GPC6: variants seen among roughly 807,000 people sequenced by gnomAD.
GPC6 encodes glypican-6.
Under a neutral mutation model 55.2 loss-of-function variants are expected in GPC6, and 14 were observed. The observed-to-expected ratio is 0.25, with a 90% CI of 0.17 to 0.40. GPC6 has a LOEUF of 0.40. Among genes scored for constraint, GPC6 ranks in the 10% least tolerant of loss-of-function variants. The pLI is 1.00. For missense variants in GPC6, 641 were observed against 708.5 expected, an observed-to-expected ratio of 0.90 and a Z score of 1.08; for synonymous variants, 278 against 259.6, an observed-to-expected ratio of 1.07 and a Z score of -0.68.
chr13:93,779,379 C>T (rs184534296), intron 2 of GPC6, among the ~76,000 whole-genome samples: 1 of 152,338 alleles, frequency 6.6e-6, no homozygotes, highest in Non-Finnish European at 1.5e-5. Context: ...GTTCCTTCAA[C>T]TCATTCTGGT....
chr13:93,499,106 C>CACACACACACAA (rs1555305614), intron 1 of GPC6, among the ~76,000 whole-genome samples: 7 of 151,696 alleles, frequency 4.6e-5, no homozygotes, highest in Non-Finnish European at 1.0e-4. Context: ...CACACACACA[C>CACACACACACAA]ACACACACAC....
intron 3 of GPC6, among the ~76,000 whole-genome samples, chr13:93,926,748 A>G (rs1471580488): frequency 6.6e-6 from 1 of 152,168 alleles, no homozygotes; most frequent in Non-Finnish European, 1.5e-5. Flanking sequence ...AGCTTTAGGC[A>G]GGCATATTGT....
intron 1 of GPC6, among the ~76,000 whole-genome samples, chr13:93,462,902 C>T (rs1454887550): frequency 1.3e-5 from 2 of 152,072 alleles, no homozygotes; most frequent in Non-Finnish European, 2.9e-5. Context: ...CCCTCTGCCC[C>T]GCTTCTGCTC....
chr13:93,565,924 A>C (rs1207664002), intron 2 of GPC6, among the ~76,000 whole-genome samples: 5 of 99,316 alleles, frequency 5.0e-5, no homozygotes, highest in Non-Finnish European at 1.1e-4. Context: ...TCTGTCTCAA[A>C]ACAAACAAAC....
chr13:94,038,550 A>G (rs1191482260), intron 4 of GPC6, among the ~76,000 whole-genome samples: 1 of 151,960 alleles, frequency 6.6e-6, no homozygotes, highest in Non-Finnish European at 1.5e-5. Flanking sequence ...TCCTGACTCC[A>G]CCACTTATAA....
At chr13:94,258,398 G>T (rs1002059035) in intron 4 of GPC6, among the ~76,000 whole-genome samples, 1 of 152,176 alleles carries the variant, frequency 6.6e-6, no homozygotes, top group Non-Finnish European at 1.5e-5. Flanking sequence ...TGAAGCATAA[G>T]AATTCAAAGT....
chr13:93,332,573 A>G (rs966886189), intron 1 of GPC6, among the ~76,000 whole-genome samples: 2 of 151,926 alleles, frequency 1.3e-5, no homozygotes, highest in East Asian at 3.9e-4. Flanking sequence ...TGTTTTTGCT[A>G]TTGAGTGGTT....
chr13:93,852,180 C>T (rs961642759), intron 3 of GPC6, among the ~76,000 whole-genome samples: 1 of 151,756 alleles, frequency 6.6e-6, no homozygotes, highest in East Asian at 1.9e-4. Context: ...TATATCTACT[C>T]TAGTCTCATT....
chr13:93,423,487 A>G (rs1465896670), intron 1 of GPC6, among the ~76,000 whole-genome samples: 1 of 152,224 alleles, frequency 6.6e-6, no homozygotes, highest in Non-Finnish European at 1.5e-5. Flanking sequence ...GAAATTACAT[A>G]AAGCAAAAAT....
intron 4 of GPC6, among the ~76,000 whole-genome samples, chr13:94,218,352 C>G (rs1439708827): frequency 1.3e-5 from 2 of 152,138 alleles, no homozygotes; most frequent in African/African-American, 4.8e-5. Flanking sequence ...GTACCCAATG[C>G]CCACTTTGGA....
intron 2 of GPC6, among the ~76,000 whole-genome samples, chr13:93,762,140 G>T (rs1884975982): frequency 6.6e-6 from 1 of 151,994 alleles, no homozygotes; most frequent in Admixed American, 6.6e-5. Flanking sequence ...TTGTCTTTCT[G>T]TCCCTGGCTT....
At chr13:94,091,082 A>G (rs1434927652) in intron 4 of GPC6, among the ~76,000 whole-genome samples, 1 of 152,180 alleles carries the variant, frequency 6.6e-6, no homozygotes, top group Non-Finnish European at 1.5e-5. Context: ...ATTCACTGCA[A>G]TGTAGCTAGA....
chr13:94,358,055 C>T lies in GPC6; in HGVS notation c.1153-24359C>T, dbSNP rs201969662. Among the ~76,000 whole-genome samples, 4 of 152,032 alleles carry T rather than the reference C, an allele frequency of 2.6e-5. No homozygotes were observed. In the East Asian group the frequency reaches 5.8e-4, roughly 22 times the overall value. On this transcript the variant is annotated intron_variant, in intron 6 of 8. Transcript: ENST00000377047. Reference sequence around the variant, plus strand: ...AAAGGACCATGGCACTTTGGGAAGCCGAGGAGGGTGAATTACCTGACATCA... The same window carrying T: ...AAAGGACCATGGCACTTTGGGAAGCTGAGGAGGGTGAATTACCTGACATCA...
intron 1 of GPC6, among the ~76,000 whole-genome samples, chr13:93,531,733 A>G (rs1881876292): frequency 6.6e-6 from 1 of 152,208 alleles, no homozygotes; most frequent in Admixed American, 6.5e-5. Flanking sequence ...ACAATTCACT[A>G]TTTGTATCCT....
chr13:94,146,868 C>A (rs1051650872), intron 4 of GPC6, among the ~76,000 whole-genome samples: 7 of 152,080 alleles, frequency 4.6e-5, no homozygotes, highest in Non-Finnish European at 1.5e-5. Flanking sequence ...TACATTCTAG[C>A]AATGCATGTT....
chr13:93,268,065 A>G (rs1877384996), intron 1 of GPC6, among the ~76,000 whole-genome samples: 1 of 152,216 alleles, frequency 6.6e-6, no homozygotes, highest in Non-Finnish European at 1.5e-5. Context: ...ATAAATGATT[A>G]TATTTGCATA....
chr13:93,880,608 A>C (rs1159490504), intron 3 of GPC6, among the ~76,000 whole-genome samples: 3 of 152,078 alleles, frequency 2.0e-5, no homozygotes, highest in Non-Finnish European at 4.4e-5. Flanking sequence ...AGATATACCC[A>C]ATGCTAGATG....
chr13:94,086,341 G>T (rs1056737038), intron 4 of GPC6, among the ~76,000 whole-genome samples: 2 of 152,154 alleles, frequency 1.3e-5, no homozygotes, highest in African/African-American at 4.8e-5. Context: ...AACAGGCTGA[G>T]AGAGCCTGTG....
intron 4 of GPC6, among the ~76,000 whole-genome samples, chr13:94,028,953 A>T (rs751449235): frequency 6.6e-6 from 1 of 152,246 alleles, no homozygotes; most frequent in Non-Finnish European, 1.5e-5. Flanking sequence ...AAGTACTTTC[A>T]ATTGCATTTA....
Sources: gnomAD v4.1 joint callset for allele counts (sites outside exome capture counted in the v4.1 genomes callset) on GRCh38, gnomAD v4.1.1 for gene constraint, MANE v1.5 for transcripts, NCBI Gene and HGNC (gene_info 2026-07-23, HGNC 2026-07-21) for gene names.